Variants in ELAPOR2 observed in about 807,000 individuals in gnomAD.
The protein encoded by ELAPOR2 is endosome/lysosome-associated apoptosis and autophagy regulator family member 2.
ELAPOR2 carries 89 observed loss-of-function variants against 120.7 expected under a neutral mutation model. That is an observed-to-expected ratio of 0.74 (90% CI 0.62 to 0.88). ELAPOR2 has a LOEUF of 0.88. ELAPOR2 is among the 40% of genes least tolerant of loss of function. The pLI is 0.00. For synonymous variants in ELAPOR2, 444 were observed against 444.9 expected (o/e 1.00, Z 0.03); for missense variants, 1,134 against 1,251.6 (o/e 0.91, Z 1.42).
At chr7:86,883,023 GGTGTGTGTGTGT>G (rs55859925) in intron 21 of ELAPOR2, among the ~76,000 whole-genome samples, 23 of 141,554 alleles carry the variant, frequency 1.6e-4, no homozygotes, top group Middle Eastern at 3.5e-3. Flanking sequence ...GTTTGAAAGG[GGTGTGTGTGTGT>G]GTGTGTGTGT....
At position 86,879,578 on chromosome 7, in the gene ELAPOR2, A is replaced by C. The variant is rs146469134; in HGVS notation, c.*893T>G. 21 of 152,298 alleles carry C rather than the reference A, an allele frequency of 1.4e-4. No individual in the cohort carries two copies. Among genetic ancestry groups the C allele is most frequent in the African/African-American group, 4.8e-4 (20 of 41,570 alleles). The allele number at this position is 152,298 out of a possible 1,614,324, so 9.4% of individuals were successfully genotyped here. A position where few individuals can be genotyped will look rare whatever the true frequency, so the allele number is the denominator to read the frequency against. On this transcript the variant is annotated 3_prime_UTR_variant, in exon 22 of 22. Transcript: ENST00000450689. ...CCATGAAATTACCCCAGTATTTCAT[A>C]CAGTCATCTGTACTTATAGACAAAC...
intron 1 of ELAPOR2, among the ~76,000 whole-genome samples, chr7:86,969,559 A>C (rs1461233701): frequency 6.6e-6 from 1 of 152,086 alleles, no homozygotes; most frequent in Non-Finnish European, 1.5e-5. Context: ...TATGGGAGAA[A>C]TTTTAAGTAA....
chr7:86,955,023 T>C (rs1463578562), intron 2 of ELAPOR2, among the ~76,000 whole-genome samples: 1 of 152,086 alleles, frequency 6.6e-6, no homozygotes, highest in African/African-American at 2.4e-5. Context: ...ATTATCATTA[T>C]CAGATAATTA....
intron 2 of ELAPOR2, among the ~76,000 whole-genome samples, chr7:86,953,616 T>C (rs146106858): frequency 6.6e-6 from 1 of 152,350 alleles, no homozygotes; most frequent in East Asian, 1.9e-4. Flanking sequence ...ACAAGCAGTA[T>C]GATAGACAGT....
intron 1 of ELAPOR2, among the ~76,000 whole-genome samples, chr7:86,988,281 A>G (rs1342484928): frequency 6.6e-6 from 1 of 152,206 alleles, no homozygotes; most frequent in African/African-American, 2.4e-5. Flanking sequence ...GACCAGCTGT[A>G]TATGTATACT....
intron 8 of ELAPOR2, among the ~76,000 whole-genome samples, chr7:86,932,897 C>T (rs1790391964): frequency 6.6e-6 from 1 of 151,764 alleles, no homozygotes. Context: ...CTAATTTGAG[C>T]TCATTGTTCA....
Position 87,059,593 on chromosome 7 carries a change from G to T in ELAPOR2, c.-80C>A. On this transcript the variant is annotated 5_prime_UTR_variant, in exon 1 of 22. Transcript: ENST00000450689. ...GCGGCAGCTCCGGCTCCCGGGCCGC[G>T]ACTGCTGTGCGCTCGTCTCGCCGCT... 2 of 1,123,520 alleles carry T rather than the reference G, an allele frequency of 1.8e-6. No homozygotes were observed. The highest frequency in any genetic ancestry group is 3.8e-4 in the Middle Eastern group (1 of 2,646). The allele number at this position is 1,123,520 out of a possible 1,614,324, so 69.6% of individuals were successfully genotyped here.
chr7:86,954,718 G>T (rs1384116549), intron 2 of ELAPOR2, among the ~76,000 whole-genome samples: 1 of 151,986 alleles, frequency 6.6e-6, no homozygotes, highest in Non-Finnish European at 1.5e-5. Flanking sequence ...AATCCATCTT[G>T]TCAGTTAATA....
chr7:86,891,384 A>G (rs180916981), intron 21 of ELAPOR2: 1 of 174,740 alleles, frequency 5.7e-6, no homozygotes, highest in East Asian at 1.5e-4. Context: ...TAATATAAAT[A>G]CAATAGTCCA....
intron 1 of ELAPOR2, among the ~76,000 whole-genome samples, chr7:86,989,562 T>C (rs974053551): frequency 6.6e-6 from 1 of 152,242 alleles, no homozygotes; most frequent in African/African-American, 2.4e-5. Flanking sequence ...CTACCACTTA[T>C]GCAGAGTGGC....
chr7:86,958,514 A>T (rs1791566701), intron 2 of ELAPOR2, among the ~76,000 whole-genome samples: 1 of 152,118 alleles, frequency 6.6e-6, no homozygotes, highest in African/African-American at 2.4e-5. Flanking sequence ...TCCAGGTCAA[A>T]GTCCAGAGTC....
intron 1 of ELAPOR2, among the ~76,000 whole-genome samples, chr7:87,018,715 T>C (rs550198297): frequency 7.9e-5 from 12 of 152,348 alleles, no homozygotes; most frequent in African/African-American, 2.6e-4. Context: ...GCATATATTG[T>C]GGAAATGGGT....
chr7:86,917,480 A>G (rs1789619873), intron 12 of ELAPOR2, among the ~76,000 whole-genome samples: 1 of 152,204 alleles, frequency 6.6e-6, no homozygotes, highest in African/African-American at 2.4e-5. Flanking sequence ...AGAAGAACGT[A>G]TAGGAGACTA....
At position 87,058,748 on chromosome 7, in the gene ELAPOR2, C is replaced by CT. The variant is rs1027133790; in HGVS notation, c.189+576dup. Among the ~76,000 whole-genome samples, 6 of 152,056 alleles carry CT rather than the reference C, an allele frequency of 3.9e-5. No homozygotes were observed. The South Asian group carries it at 8.3e-4, about 21-fold the overall frequency. On this transcript the variant is annotated intron_variant, in intron 1 of 21. Coordinates refer to ENST00000450689, the MANE Select transcript of ELAPOR2 (RefSeq NM_001142749.3). ...CATCTTCTCTACCAAGTACATACTCCTTTTTTTTCCCCCCCAAATTCAAAT... is the reference window on the plus strand; with the variant it reads ...CATCTTCTCTACCAAGTACATACTCCTTTTTTTTTCCCCCCCAAATTCAAAT...
At chr7:86,947,129 A>C (rs1201040770) in intron 3 of ELAPOR2, among the ~76,000 whole-genome samples, 1 of 152,200 alleles carries the variant, frequency 6.6e-6, no homozygotes, top group East Asian at 1.9e-4. Context: ...GAATTCTCCT[A>C]AGCAAATCCA....
chr7:87,033,699 T>G (rs1033224082), intron 1 of ELAPOR2, among the ~76,000 whole-genome samples: 1 of 151,992 alleles, frequency 6.6e-6, no homozygotes, highest in African/African-American at 2.4e-5. Context: ...AAAGACTAAA[T>G]AAGTGAGAAC....
intron 16 of ELAPOR2, 25 bp from the exon 17 acceptor site, chr7:86,908,568 A>G (rs1469712812): frequency 9.5e-7 from 1 of 1,047,470 alleles, no homozygotes. Context: ...AAAAGAAACT[A>G]TTAAGCAATA....
At chr7:86,998,685 T>C (rs1005698840) in intron 1 of ELAPOR2, among the ~76,000 whole-genome samples, 3 of 152,206 alleles carry the variant, frequency 2.0e-5, no homozygotes, top group African/African-American at 7.2e-5. Context: ...CTGTGGAGCA[T>C]CCTCCGAGTT....
In ELAPOR2 at chr7:86,993,115, G is replaced by A. The variant is rs550984383; in HGVS notation, c.190-28091C>T. Among the ~76,000 whole-genome samples, 9 of 151,152 alleles carry A rather than the reference G, an allele frequency of 6.0e-5. No homozygotes were observed. The South Asian group carries it at 6.3e-4, about 11-fold the overall frequency. The stretch of plus-strand genomic sequence containing the variant: ...GCTGGGCGTGGTGGCGCGCACCTGC[G>A]GTTCCAGCTACTCAGGAGGCTGAGG... On this transcript the variant is annotated intron_variant, in intron 1 of 21. Transcript: ENST00000450689.
Sources: allele counts gnomAD v4.1 joint callset (sites outside exome capture counted in the v4.1 genomes callset), GRCh38; gene constraint gnomAD v4.1.1; transcripts MANE v1.5; gene names NCBI Gene and HGNC (gene_info 2026-07-23, HGNC 2026-07-21).